Variants in CAPN2 observed in about 807,000 individuals in gnomAD.
CAPN2 encodes the protein calpain-2 catalytic subunit.
A neutral mutation model predicts 102.3 loss-of-function variants in CAPN2; 92 were observed. The ratio of observed to expected loss-of-function variants is 0.90; its 90% CI spans 0.76 to 1.07. The LOEUF (loss-of-function observed/expected upper bound fraction) is 1.07. CAPN2 is among the 50% of genes least tolerant of loss of function. CAPN2 has a pLI of 0.00. For missense variants in CAPN2, 800 were observed against 909.4 expected (o/e 0.88, Z 1.55); for synonymous variants, 340 against 355.4 (o/e 0.96, Z 0.49).
chr1:223,767,095 A>ACTT (rs1408312249), intron 16 of CAPN2, among the ~76,000 whole-genome samples: 2 of 152,122 alleles, frequency 1.3e-5, no homozygotes, highest in Non-Finnish European at 2.9e-5. Flanking sequence ...TGTTTCCATT[A>ACTT]CTTCCTCTAG....
intron 1 of CAPN2, among the ~76,000 whole-genome samples, chr1:223,707,395 T>A (rs900858384): frequency 3.9e-5 from 6 of 152,152 alleles, no homozygotes; most frequent in African/African-American, 7.2e-5. Context: ...GCTGACTCAC[T>A]CCAGGAAGGT....
intron 2 of CAPN2, among the ~76,000 whole-genome samples, chr1:223,724,923 G>A (rs1032583855): frequency 1.6e-4 from 24 of 152,292 alleles, no homozygotes; most frequent in African/African-American, 5.1e-4. Flanking sequence ...GCAGTGAGTC[G>A]TGATTGCACC....
At chr1:223,734,490 C>T (rs1169012009) in intron 2 of CAPN2, among the ~76,000 whole-genome samples, 1 of 152,086 alleles carries the variant, frequency 6.6e-6, no homozygotes, top group African/African-American at 2.4e-5. Flanking sequence ...CTTATTCGGA[C>T]ACCCCTTGCT....
chr1:223,768,260 T>C (rs1268004744), intron 16 of CAPN2, among the ~76,000 whole-genome samples: 2 of 150,942 alleles, frequency 1.3e-5, no homozygotes, highest in African/African-American at 4.9e-5. Context: ...CATGAAGTCC[T>C]TGCCCATGCC....
At chr1:223,758,869 T>G (rs1022790851) in intron 11 of CAPN2, 20 of 255,940 alleles carry the variant, frequency 7.8e-5, no homozygotes, top group Non-Finnish European at 8.4e-5. Context: ...ATATTTTTAT[T>G]TTTTGCAGAG....
At position 223,752,057 on chromosome 1, in the gene CAPN2, A is replaced by G. The variant is rs757953796; in HGVS notation, c.960A>G (p.Glu320=). The G allele has an allele frequency of 6.2e-7, 1 of 1,611,892 alleles. No homozygotes were observed. The highest frequency in any genetic ancestry group is 8.5e-7 in the Non-Finnish European group (1 of 1,177,998). The change falls in exon 8 of 21, where the codon GAA becomes GAG. Residue 320 remains glutamate (E), a synonymous_variant. Transcript: ENST00000295006. ...GGGAAAGGCTGACCAGACGGCATGA[A>G]GATGGAGAATTCTGGTAAGATTAGT... The part of the protein sequence containing the change: ...EERERLTRRH[E]DGEFWMSFSD...
chr1:223,736,459 C>T lies in CAPN2; in HGVS notation c.308-7641C>T, dbSNP rs547201839. Among the ~76,000 whole-genome samples, 6 of 152,310 alleles carry T rather than the reference C, an allele frequency of 3.9e-5. 1 individual carries two copies. The South Asian group carries it at 1.0e-3, about 26-fold the overall frequency. On this transcript the variant is annotated intron_variant, in intron 2 of 20. Coordinates refer to ENST00000295006, the MANE Select transcript of CAPN2 (RefSeq NM_001748.5). The stretch of plus-strand genomic sequence containing the variant: ...AACCACCAGCCTCCAGTGACACTTG[C>T]CTTTCACAGGGATCCTGGAGGTCCC...
rs779953990 is a variant in CAPN2, at chr1:223,759,448, TC to T, written c.1498del (p.Arg500GlyfsTer58). 1.2e-6 allele frequency: 2 copies of T among 1,614,170 alleles called. No homozygotes were observed. The highest frequency in any genetic ancestry group is 4.5e-5 in the East Asian group (2 of 44,884). ...FEPNKDGDFC[I>X]RVFSEKKADY... ...CCCAACAAGGATGGGGATTTCTGCA[TC>T]CGGGTCTTTTCTGAAAAGAAAGCTG... On this transcript the variant is annotated frameshift_variant, in exon 12 of 21. Transcript: ENST00000295006. LOFTEE classifies it high-confidence loss of function. The surrounding 1 kb of genome is among the most constrained non-coding windows in gnomAD (Gnocchi z 4.6).
At position 223,756,865 on chromosome 1, in the gene CAPN2, C is replaced by T. The variant is rs1208197168; in HGVS notation, c.1306-504C>T. ...GCTTATGGGCTTGGAAATGCAGCCA[C>T]GGGCTTTCAGAGTTGGGACGGACCT... On this transcript the variant is annotated intron_variant, in intron 10 of 20. Coordinates refer to ENST00000295006, the MANE Select transcript of CAPN2 (RefSeq NM_001748.5). The surrounding 1 kb of genome is among the most constrained non-coding windows in gnomAD (Gnocchi z 4.1). 2.0e-5 allele frequency among the ~76,000 whole-genome samples: 3 copies of T among 152,190 alleles called. No individual in the cohort carries two copies. Among genetic ancestry groups the T allele is most frequent in the African/African-American group, 4.8e-5 (2 of 41,432 alleles).
intron 12 of CAPN2, among the ~76,000 whole-genome samples, chr1:223,761,370 C>A (rs1251428208): frequency 1.3e-5 from 2 of 152,118 alleles, no homozygotes; most frequent in Non-Finnish European, 2.9e-5. Context: ...GAAATGTTAT[C>A]ACAGAAACTT....
At chr1:223,760,467 A>G (rs542154001) in intron 12 of CAPN2, among the ~76,000 whole-genome samples, 60 of 152,310 alleles carry the variant, frequency 3.9e-4, no homozygotes, top group East Asian at 5.8e-4. Context: ...GCAGCTGCAT[A>G]CCAATGAATG....
intron 9 of CAPN2, among the ~76,000 whole-genome samples, chr1:223,753,731 G>A (rs548707659): frequency 3.9e-5 from 6 of 152,312 alleles, no homozygotes; most frequent in East Asian, 1.9e-4. Flanking sequence ...GTGACAGGTC[G>A]CAGTCAAAAC....
At chr1:223,738,881 C>T (rs561261731) in intron 2 of CAPN2, among the ~76,000 whole-genome samples, 47 of 152,342 alleles carry the variant, frequency 3.1e-4, no homozygotes, top group Non-Finnish European at 4.9e-4. Flanking sequence ...CACATGGAGC[C>T]GAGCCACGCT....
rs1301525491 is a variant in CAPN2 at position 223,725,959 on chromosome 1, A to G, written c.307+8128A>G. On this transcript the variant is annotated intron_variant, in intron 2 of 20. Transcript: ENST00000295006. The surrounding 1 kb of genome is among the most constrained non-coding windows in gnomAD (Gnocchi z 4.1). ...GGGAACTTTAAGACTATGTGACAGAAAGGTGCCACTGGAACCCAGGGCCTC... is the reference window on the plus strand; with the variant it reads ...GGGAACTTTAAGACTATGTGACAGAGAGGTGCCACTGGAACCCAGGGCCTC... Among the ~76,000 whole-genome samples, 4 of 152,082 alleles carry G rather than the reference A, an allele frequency of 2.6e-5. No individual in the cohort carries two copies. Among genetic ancestry groups the G allele is most frequent in the Non-Finnish European group, 5.9e-5 (4 of 68,010 alleles).
At chr1:223,717,056 G>T (rs1021406329) in intron 1 of CAPN2, among the ~76,000 whole-genome samples, 1 of 152,138 alleles carries the variant, frequency 6.6e-6, no homozygotes, top group Non-Finnish European at 1.5e-5. Flanking sequence ...ATTCCATGAG[G>T]TAAAGCTTTG....
At chr1:223,702,068 AGGG>A (rs1366675540) in intron 1 of CAPN2, among the ~76,000 whole-genome samples, 1 of 10,976 alleles carries the variant, frequency 9.1e-5, no homozygotes, top group African/African-American at 3.9e-4. Context: ...GAAGGAAGGG[AGGG>A]AGGGAGGGAG....
rs1491328693 is a variant in CAPN2 at position 223,737,705 on chromosome 1, GGC to G, written c.308-6393_308-6392del. Among the ~76,000 whole-genome samples, 31 of 24,214 alleles carry G rather than the reference GGC, an allele frequency of 1.3e-3. 3 individuals carry two copies. The East Asian group carries it at 0.024, about 19-fold the overall frequency. 15.9% of individuals were successfully genotyped at this position (24,214 alleles called of 152,430 possible). A position where few individuals can be genotyped will look rare whatever the true frequency, so the allele number is the denominator to read the frequency against. On this transcript the variant is annotated intron_variant, in intron 2 of 20. Transcript: ENST00000295006. Reference sequence around the variant, plus strand: ...TTTAAGGCCTGACCAAAAGAGACGGGGCGGGGGGTGGGGGGGAGAGAATACAA... The same window carrying G: ...TTTAAGGCCTGACCAAAAGAGACGGGGGGGGGTGGGGGGGAGAGAATACAA...
chr1:223,713,994 A>G (rs900974643), intron 1 of CAPN2, among the ~76,000 whole-genome samples: 1 of 152,148 alleles, frequency 6.6e-6, no homozygotes, highest in Admixed American at 6.5e-5. Context: ...CAGTCTCTCA[A>G]AGAGCCGGTT....
chr1:223,708,405 C>T (rs1459352731), upstream of CAPN2, among the ~76,000 whole-genome samples: 2 of 146,460 alleles, frequency 1.4e-5, no homozygotes, highest in Non-Finnish European at 3.0e-5. Flanking sequence ...GCCCGGGCAA[C>T]AAGAGTGAAA....
Sources: allele counts gnomAD v4.1 joint callset (sites outside exome capture counted in the v4.1 genomes callset), GRCh38; gene constraint gnomAD v4.1.1; non-coding constraint Gnocchi (gnomAD v3.1); transcripts MANE v1.5; gene names NCBI Gene and HGNC (gene_info 2026-07-23, HGNC 2026-07-21).